The following DYRK1A variants were observed in gnomAD, a reference collection of about 807,000 sequenced individuals.
DYRK1A encodes the protein dual specificity tyrosine phosphorylation regulated kinase 1A, also known as dual specificity tyrosine-phosphorylation-regulated kinase 1A.
DYRK1A carries 9 observed loss-of-function variants against 79.7 expected under a neutral mutation model. The observed-to-expected ratio is 0.11, with a 90% CI of 0.07 to 0.20. DYRK1A has a LOEUF of 0.20. DYRK1A is among the 10% of genes least tolerant of loss of function. DYRK1A has a pLI of 1.00. For missense variants in DYRK1A, 622 were observed against 956.0 expected (o/e 0.65, Z 4.61); for synonymous variants, 349 against 329.7 (o/e 1.06, Z -0.63).
chr21:37,447,145 A>G (rs1358408253), intron 2 of DYRK1A, among the ~76,000 whole-genome samples: 1 of 152,086 alleles, frequency 6.6e-6, no homozygotes, highest in Non-Finnish European at 1.5e-5. Context: ...TCAATCTATG[A>G]TTGGATCTCA....
At chr21:37,377,540 T>C (rs1455214041) in intron 1 of DYRK1A, among the ~76,000 whole-genome samples, 1 of 152,124 alleles carries the variant, frequency 6.6e-6, no homozygotes, top group African/African-American at 2.4e-5. Flanking sequence ...ATGATCATAG[T>C]TCACTGCAGC....
chr21:37,455,019 C>CTTTT lies in DYRK1A; in HGVS notation c.11-17649_11-17646dup, dbSNP rs72223324. On this transcript the variant is annotated intron_variant, in intron 2 of 11. Transcript: ENST00000647188. Reference sequence around the variant, plus strand: ...GAGATGGTTATTCAGGGGTGGTCACCTTTTTTTTTTTTTTTTTTTCGTGCC... The same window carrying CTTTT: ...GAGATGGTTATTCAGGGGTGGTCACCTTTTTTTTTTTTTTTTTTTTTTTCGTGCC... Among the ~76,000 whole-genome samples, 202 of 116,810 alleles carry CTTTT rather than the reference C, an allele frequency of 1.7e-3. 5 individuals carry two copies. The highest frequency in any genetic ancestry group is 6.0e-3 in the African/African-American group (179 of 30,042). 76.6% of individuals were successfully genotyped at this position (116,810 alleles called of 152,430 possible).
intron 2 of DYRK1A, among the ~76,000 whole-genome samples, chr21:37,439,466 A>G (rs1483160787): frequency 1.3e-5 from 2 of 152,112 alleles, no homozygotes; most frequent in Non-Finnish European, 1.5e-5. Context: ...AGGGTCCCCA[A>G]CCCCTGGTAC....
At chr21:37,389,767 C>T (rs2049834736) in intron 1 of DYRK1A, among the ~76,000 whole-genome samples, 1 of 151,940 alleles carries the variant, frequency 6.6e-6, no homozygotes, top group African/African-American at 2.4e-5. Context: ...ATGAGTATCC[C>T]TAAGGTTTTA....
intron 1 of DYRK1A, among the ~76,000 whole-genome samples, chr21:37,370,374 A>G (rs1297900625): frequency 1.3e-5 from 2 of 151,484 alleles, no homozygotes; most frequent in East Asian, 3.9e-4. Context: ...ACAAGTATCT[A>G]GTTATGAGAA....
intron 11 of DYRK1A, among the ~76,000 whole-genome samples, 168 bp from the exon 12 acceptor site, chr21:37,511,743 T>C (rs1189159402): frequency 1.3e-5 from 2 of 152,202 alleles, no homozygotes; most frequent in Admixed American, 1.3e-4. Context: ...TGCCCTTGAA[T>C]GTATTTGGGA....
intron 1 of DYRK1A, among the ~76,000 whole-genome samples, chr21:37,368,293 A>G (rs1462131383): frequency 6.6e-6 from 1 of 152,214 alleles, no homozygotes; most frequent in Non-Finnish European, 1.5e-5. Context: ...GGAGAGGTGA[A>G]TTAGAATAGA....
At chr21:37,487,812 T>A (rs1555983166) in intron 6 of DYRK1A, 1 of 152,208 alleles carries the variant, frequency 6.6e-6, no homozygotes, top group Non-Finnish European at 1.5e-5. Context: ...TAGATACTGA[T>A]ATAATTCATA....
In DYRK1A at chr21:37,366,804, T is replaced by G. The variant is rs1270823058; in HGVS notation, c.-901T>G. 3.9e-5 allele frequency: 6 copies of G among 151,926 alleles called. No homozygotes were observed. The highest frequency in any genetic ancestry group is 8.8e-5 in the Non-Finnish European group (6 of 67,994). 9.4% of individuals were successfully genotyped at this position (151,926 alleles called of 1,614,324 possible). On this transcript the variant is annotated 5_prime_UTR_variant, in exon 1 of 12. Coordinates refer to ENST00000647188, the MANE Select transcript of DYRK1A (RefSeq NM_001347721.2). The stretch of plus-strand genomic sequence containing the variant: ...GTCGGTCCGTCGCCATTTTGTTGGT[T>G]GGTTTTTTTTTAAACCCTTTCGCTT...
At chr21:37,383,069 C>G (rs947667362) in intron 1 of DYRK1A, among the ~76,000 whole-genome samples, 8 of 152,166 alleles carry the variant, frequency 5.3e-5, no homozygotes, top group Admixed American at 2.0e-4. Flanking sequence ...TTCACTTTCC[C>G]CACCGCTTTT....
At chr21:37,392,182 G>A (rs2049882779) in intron 1 of DYRK1A, among the ~76,000 whole-genome samples, 1 of 152,168 alleles carries the variant, frequency 6.6e-6, no homozygotes, top group African/African-American at 2.4e-5. Context: ...TACCCCTAAT[G>A]GAAGCAGTGT....
intron 2 of DYRK1A, among the ~76,000 whole-genome samples, chr21:37,432,306 T>C (rs1466900876): frequency 6.6e-6 from 1 of 152,174 alleles, no homozygotes; most frequent in Non-Finnish European, 1.5e-5. Context: ...AATTTATGTC[T>C]GTAATCCAGA....
intron 1 of DYRK1A, among the ~76,000 whole-genome samples, chr21:37,374,587 C>G (rs769146262): frequency 2.2e-4 from 33 of 151,926 alleles, no homozygotes; most frequent in Non-Finnish European, 4.6e-4. Flanking sequence ...GAGTCTCGCT[C>G]TGTCGCCCAG....
chr21:37,462,363 T>A (rs187608350), intron 2 of DYRK1A, among the ~76,000 whole-genome samples: 2 of 152,258 alleles, frequency 1.3e-5, no homozygotes, highest in African/African-American at 2.4e-5. Context: ...TTTGTTTCAG[T>A]CTCTGTTAGA....
intron 1 of DYRK1A, 31 bp downstream of exon 1, chr21:37,367,659 C>T (rs867912169): frequency 2.8e-4 from 41 of 144,562 alleles, no homozygotes; most frequent in East Asian, 8.5e-4. Flanking sequence ...CGGCCCCGCC[C>T]GGCCTGGCGC....
intron 1 of DYRK1A, among the ~76,000 whole-genome samples, chr21:37,375,959 C>G (rs1005987086): frequency 2.6e-5 from 4 of 151,984 alleles, no homozygotes; most frequent in African/African-American, 9.7e-5. Flanking sequence ...GCCAAGCCCC[C>G]CTCTTCCTAT....
intron 2 of DYRK1A, among the ~76,000 whole-genome samples, chr21:37,430,761 C>T (rs999769723): frequency 6.6e-6 from 1 of 152,166 alleles, no homozygotes; most frequent in South Asian, 2.1e-4. Flanking sequence ...GGCTTGGTAT[C>T]CTCACAGGCA....
chr21:37,394,226 C>T (rs9636923), intron 1 of DYRK1A, among the ~76,000 whole-genome samples: 2 of 144,062 alleles, frequency 1.4e-5, no homozygotes, highest in African/African-American at 5.1e-5. Flanking sequence ...TTTTTAAACC[C>T]TTTTTTTTTT....
chr21:37,511,856 A>AT (rs2053758119), intron 11 of DYRK1A, 55 bp from the exon 12 acceptor site: 3 of 1,565,880 alleles, frequency 1.9e-6, no homozygotes, highest in Non-Finnish European at 2.6e-6. Flanking sequence ...TTGATGGAAG[A>AT]TTAAAGCTTG....
Sources: gnomAD v4.1 joint callset for allele counts (sites outside exome capture counted in the v4.1 genomes callset) on GRCh38, gnomAD v4.1.1 for gene constraint, MANE v1.5 for transcripts, NCBI Gene and HGNC (gene_info 2026-07-23, HGNC 2026-07-21) for gene names.